The following ATXN1 variants were observed in gnomAD, a reference collection of about 807,000 sequenced individuals.
ATXN1 encodes the protein ataxin-1.
ATXN1 carries 8 observed loss-of-function variants against 56.4 expected under a neutral mutation model. The observed-to-expected ratio is 0.14, with a 90% confidence interval of 0.08 to 0.26. The LOEUF is 0.26. Ranked by LOEUF, ATXN1 falls within the 10% of genes least tolerant of loss-of-function variation. ATXN1 has a pLI of 1.00. For missense variants in ATXN1, 987 were observed against 1,106.5 expected, an observed-to-expected ratio of 0.89 and a Z score of 1.53; for synonymous variants, 514 against 494.6, an observed-to-expected ratio of 1.04 and a Z score of -0.52.
intron 2 of ATXN1, among the ~76,000 whole-genome samples, chr6:16,713,350 G>A (rs1276571672): frequency 6.6e-6 from 1 of 152,180 alleles, no homozygotes; most frequent in Non-Finnish European, 1.5e-5. Context: ...CTTACTCACT[G>A]AATTTTTAAA....
chr6:16,758,933 T>C (rs1318382398), intron 1 of ATXN1, among the ~76,000 whole-genome samples: 2 of 152,182 alleles, frequency 1.3e-5, no homozygotes, highest in African/African-American at 4.8e-5. Context: ...AGAGTTCCTG[T>C]GCAGGATTTT....
At chr6:16,431,307 T>TG (rs1176850061) in intron 6 of ATXN1, among the ~76,000 whole-genome samples, 3 of 152,144 alleles carry the variant, frequency 2.0e-5, no homozygotes, top group East Asian at 1.9e-4. Flanking sequence ...AACATTCTGC[T>TG]GGGGGGGATG....
chr6:16,613,062 G>A (rs1238923951), intron 3 of ATXN1, among the ~76,000 whole-genome samples: 7 of 149,948 alleles, frequency 4.7e-5, no homozygotes, highest in Admixed American at 6.6e-5. Context: ...TCAGGAGATC[G>A]AGACCATCCT....
At chr6:16,419,830 C>A (rs1330838423) in intron 6 of ATXN1, among the ~76,000 whole-genome samples, 2 of 152,170 alleles carry the variant, frequency 1.3e-5, no homozygotes. Context: ...CTGCTGTCAT[C>A]ATTTGGCAGA....
At chr6:16,401,461 G>T (rs547820643) in intron 6 of ATXN1, among the ~76,000 whole-genome samples, 1 of 152,264 alleles carries the variant, frequency 6.6e-6, no homozygotes, top group South Asian at 2.1e-4. Context: ...AAAAAAAATA[G>T]CTGGGTGTGG....
intron 5 of ATXN1, among the ~76,000 whole-genome samples, chr6:16,519,318 A>G (rs908981212): frequency 6.6e-5 from 10 of 152,238 alleles, no homozygotes; most frequent in Non-Finnish European, 7.3e-5. Flanking sequence ...CAGAGGGGAA[A>G]AAAAGTATCC....
At chr6:16,329,623 C>T (rs1276973576) in intron 6 of ATXN1, among the ~76,000 whole-genome samples, 3 of 152,136 alleles carry the variant, frequency 2.0e-5, no homozygotes, top group African/African-American at 4.8e-5. Flanking sequence ...TTGGTTTGTC[C>T]ATCTCTCTCT....
At chr6:16,434,339 G>A (rs563737801) in intron 6 of ATXN1, among the ~76,000 whole-genome samples, 10 of 152,228 alleles carry the variant, frequency 6.6e-5, no homozygotes, top group African/African-American at 2.4e-4. Flanking sequence ...CTCAGCCTCC[G>A]TTGGCATGGA....
In ATXN1 at chr6:16,652,568, G is replaced by A. The variant is rs542947890; in HGVS notation, c.-489+5208C>T. 8.5e-5 allele frequency among the ~76,000 whole-genome samples: 13 copies of A among 152,076 alleles called. No homozygotes were observed. The East Asian group carries it at 1.4e-3, about 16-fold the overall frequency. Reference sequence around the variant, plus strand: ...TACTCTATAATTTTTTAAAAATCTCGCCCCTCATTACTCCTCCACCTGACA... The same window carrying A: ...TACTCTATAATTTTTTAAAAATCTCACCCCTCATTACTCCTCCACCTGACA... On this transcript the variant is annotated intron_variant, in intron 3 of 7. Coordinates refer to ENST00000436367, the MANE Select transcript of ATXN1 (RefSeq NM_001128164.2).
At chr6:16,356,326 T>G (rs1324955939) in intron 6 of ATXN1, among the ~76,000 whole-genome samples, 1 of 152,210 alleles carries the variant, frequency 6.6e-6, no homozygotes, top group Non-Finnish European at 1.5e-5. Flanking sequence ...TGACCTAATT[T>G]GGCCTTAAGT....
intron 3 of ATXN1, among the ~76,000 whole-genome samples, chr6:16,608,721 C>G (rs1763054189): frequency 6.6e-6 from 1 of 152,174 alleles, no homozygotes; most frequent in African/African-American, 2.4e-5. Flanking sequence ...TTGGACCATG[C>G]AGCGTGATAC....
At chr6:16,393,616 A>G (rs1426099821) in intron 6 of ATXN1, among the ~76,000 whole-genome samples, 1 of 152,240 alleles carries the variant, frequency 6.6e-6, no homozygotes, top group Non-Finnish European at 1.5e-5. Context: ...TTCATGACAT[A>G]TGACCAGTGT....
intron 6 of ATXN1, among the ~76,000 whole-genome samples, chr6:16,407,547 T>C (rs779198752): frequency 6.6e-6 from 1 of 152,250 alleles, no homozygotes; most frequent in Non-Finnish European, 1.5e-5. Context: ...GGTTTGCTTA[T>C]ATAGCATATC....
At chr6:16,596,052 A>G (rs181143619) in intron 3 of ATXN1, among the ~76,000 whole-genome samples, 11 of 152,278 alleles carry the variant, frequency 7.2e-5, no homozygotes, top group Admixed American at 5.9e-4. Flanking sequence ...CAGGCTGTGC[A>G]ATGGCACGAT....
intron 6 of ATXN1, among the ~76,000 whole-genome samples, chr6:16,369,411 C>T (rs993926538): frequency 6.6e-5 from 10 of 152,190 alleles, no homozygotes; most frequent in Admixed American, 1.3e-4. Flanking sequence ...TGGGCCTTCC[C>T]TCACGGTTAT....
chr6:16,757,901 A>C (rs917834107), intron 1 of ATXN1, among the ~76,000 whole-genome samples: 9 of 152,280 alleles, frequency 5.9e-5, no homozygotes, highest in African/African-American at 1.7e-4. Flanking sequence ...GCCCTAATGC[A>C]AAGACTAGAA....
intron 5 of ATXN1, among the ~76,000 whole-genome samples, chr6:16,489,206 C>T (rs1377118059): frequency 6.6e-6 from 1 of 152,198 alleles, no homozygotes; most frequent in East Asian, 1.9e-4. Context: ...TTTGCAACCT[C>T]CTAACAGCAT....
At chr6:16,618,370 T>A (rs1268228644) in intron 3 of ATXN1, among the ~76,000 whole-genome samples, 3 of 152,170 alleles carry the variant, frequency 2.0e-5, no homozygotes, top group African/African-American at 7.2e-5. Context: ...ATGGCACATG[T>A]ATACCTATGT....
intron 3 of ATXN1, among the ~76,000 whole-genome samples, chr6:16,593,532 G>T (rs1328200205): frequency 6.6e-6 from 1 of 152,104 alleles, no homozygotes; most frequent in African/African-American, 2.4e-5. Flanking sequence ...TAGACATTTA[G>T]GGGTATTTTG....
Sources: allele counts gnomAD v4.1 joint callset (sites outside exome capture counted in the v4.1 genomes callset), GRCh38; gene constraint gnomAD v4.1.1; transcripts MANE v1.5; gene names NCBI Gene and HGNC (gene_info 2026-07-23, HGNC 2026-07-21).